ADAMTS2: variants seen among roughly 807,000 people sequenced by gnomAD.
ADAMTS2 encodes ADAM metallopeptidase with thrombospondin type 1 motif 2, also known as A disintegrin and metalloproteinase with thrombospondin motifs 2.
ADAMTS2 carries 50 observed loss-of-function variants against 123.0 expected under a neutral mutation model. That is an observed-to-expected ratio of 0.41 (90% CI 0.32 to 0.51). The LOEUF (loss-of-function observed/expected upper bound fraction) is 0.51. Among genes scored for constraint, ADAMTS2 ranks in the 20% least tolerant of loss-of-function variants. ADAMTS2 has a pLI of 0.35. For missense variants in ADAMTS2, 1,494 were observed against 1,705.2 expected (o/e 0.88, Z 2.18); for synonymous variants, 678 against 695.4 (o/e 0.98, Z 0.39).
chr5:179,322,703 C>T (rs555737876), intron 2 of ADAMTS2, among the ~76,000 whole-genome samples: 1 of 152,340 alleles, frequency 6.6e-6, no homozygotes, highest in South Asian at 2.1e-4. Flanking sequence ...TCGGCAGCTC[C>T]GCAGGCAGGT....
chr5:179,312,829 CT>C lies in ADAMTS2; in HGVS notation c.534+30937del, dbSNP rs1756870343. 6.6e-6 allele frequency among the ~76,000 whole-genome samples: 1 copy of C among 152,204 alleles called. No homozygotes were observed. ...GCCCTGCCGCCACCTGCGTTTTGCC[CT>C]GTTGAAACTGATTTCAGCCTCCAGA... On this transcript the variant is annotated intron_variant, in intron 2 of 21. Transcript: ENST00000251582. This position sits in a 1 kb window ranked among gnomAD's most constrained non-coding sequence, Gnocchi z 4.2.
chr5:179,149,833 C>G (rs915078986), intron 10 of ADAMTS2, among the ~76,000 whole-genome samples: 1 of 152,164 alleles, frequency 6.6e-6, no homozygotes, highest in Admixed American at 6.5e-5. Context: ...TCCTCGGGAA[C>G]CAGGGGAGGC....
intron 4 of ADAMTS2, among the ~76,000 whole-genome samples, chr5:179,206,429 T>C (rs988979684): frequency 1.2e-4 from 19 of 152,184 alleles, no homozygotes; most frequent in Admixed American, 3.3e-4. Flanking sequence ...TGCCTGCCTC[T>C]AGCCCGGCCC....
In ADAMTS2 at chr5:179,115,572, T is replaced by C. The variant is rs1225343260; in HGVS notation, c.3179-1248A>G. ...CCTCCTTTTCCCTCACTCTCCTTAG[T>C]TGAACTCATCTACTATTGAAAGGAA... On this transcript the variant is annotated intron_variant, in intron 21 of 21. Transcript: ENST00000251582. The surrounding 1 kb of genome is among the most constrained non-coding windows in gnomAD (Gnocchi z 4.4). 2.6e-5 allele frequency among the ~76,000 whole-genome samples: 4 copies of C among 151,652 alleles called. No individual in the cohort carries two copies. In the East Asian group the frequency reaches 7.8e-4, roughly 29 times the overall value.
rs531458143 is a variant in ADAMTS2 at position 179,160,815 on chromosome 5, A to G, written c.976-1936T>C. 3.3e-5 allele frequency among the ~76,000 whole-genome samples: 5 copies of G among 152,318 alleles called. No homozygotes were observed. The South Asian group carries it at 1.0e-3, about 32-fold the overall frequency. On this transcript the variant is annotated intron_variant, in intron 5 of 21. Transcript: ENST00000251582. ...TGCACTTCCTGTTCCCATCATGACC[A>G]GGAAGAGCATGTGACTAGCTCTGGC...
chr5:179,327,691 T>A (rs1757351416), intron 2 of ADAMTS2, among the ~76,000 whole-genome samples: 1 of 152,174 alleles, frequency 6.6e-6, no homozygotes, highest in African/African-American at 2.4e-5. Flanking sequence ...CCAAGGTTTG[T>A]CCACTTTGGG....
intron 2 of ADAMTS2, among the ~76,000 whole-genome samples, chr5:179,299,890 G>C (rs764508814): frequency 2.6e-4 from 40 of 151,718 alleles, no homozygotes; most frequent in Middle Eastern, 3.4e-3. Context: ...GTCAGGAGAT[G>C]GAGACCATCC....
rs538535973 is a variant in ADAMTS2, at chr5:179,130,885, G to A, written c.2291-787C>T. The stretch of plus-strand genomic sequence containing the variant: ...CCCTTGCTCCCTTTCCACAGAGAGC[G>A]ACCTCAGCCCCAGAGGCGGTGGCAG... On this transcript the variant is annotated intron_variant, in intron 15 of 21. Coordinates refer to ENST00000251582, the MANE Select transcript of ADAMTS2 (RefSeq NM_014244.5). The surrounding 1 kb of genome is among the most constrained non-coding windows in gnomAD (Gnocchi z 4.3). Among the ~76,000 whole-genome samples the A allele has an allele frequency of 5.3e-4, 80 of 152,200 alleles. 1 individual carries two copies. The highest frequency in any genetic ancestry group is 8.8e-4 in the Non-Finnish European group (60 of 68,000).
chr5:179,192,764 C>A (rs1159244182), intron 4 of ADAMTS2, among the ~76,000 whole-genome samples: 1 of 152,182 alleles, frequency 6.6e-6, no homozygotes, highest in African/African-American at 2.4e-5. Context: ...CCACGGGGCA[C>A]CCTATGCTGC....
At chr5:179,218,128 G>C (rs2113399846) in intron 3 of ADAMTS2, among the ~76,000 whole-genome samples, 1 of 152,356 alleles carries the variant, frequency 6.6e-6, no homozygotes, top group African/African-American at 2.4e-5. Context: ...CCATGATGTT[G>C]GCAAATGGCC....
Position 179,332,119 on chromosome 5 carries a change from G to A in ADAMTS2, c.534+11648C>T, listed in dbSNP as rs1465978595. ...TGACCTTGGAATCAGACAGACATGT[G>A]TTCATTAATAGAACAGATCACAGAA... On this transcript the variant is annotated intron_variant, in intron 2 of 21. Coordinates refer to ENST00000251582, the MANE Select transcript of ADAMTS2 (RefSeq NM_014244.5). The surrounding 1 kb of genome is among the most constrained non-coding windows in gnomAD (Gnocchi z 4.2). 2.6e-5 allele frequency among the ~76,000 whole-genome samples: 4 copies of A among 152,226 alleles called. No homozygotes were observed. In the East Asian group the frequency reaches 7.7e-4, roughly 29 times the overall value.
chr5:179,212,694 C>T (rs374005555), intron 3 of ADAMTS2, among the ~76,000 whole-genome samples: 3 of 75,714 alleles, frequency 4.0e-5, no homozygotes, highest in African/African-American at 1.1e-4. Flanking sequence ...GCCCTGAGGG[C>T]GGGTGCAGTG....
intron 3 of ADAMTS2, among the ~76,000 whole-genome samples, chr5:179,236,416 C>G (rs561420502): frequency 7.8e-4 from 119 of 152,276 alleles, no homozygotes; most frequent in Admixed American, 1.8e-3. Flanking sequence ...CACTAAGACC[C>G]AAGCAAGCAA....
chr5:179,167,696 T>C (rs189924233), intron 5 of ADAMTS2, among the ~76,000 whole-genome samples: 17 of 152,328 alleles, frequency 1.1e-4, no homozygotes, highest in Admixed American at 3.9e-4. Flanking sequence ...TGAGGTCACC[T>C]GGGCAGCTCT....
At chr5:179,159,779 G>C (rs1241010614) in intron 5 of ADAMTS2, among the ~76,000 whole-genome samples, 1 of 152,194 alleles carries the variant, frequency 6.6e-6, no homozygotes, top group Non-Finnish European at 1.5e-5. Context: ...CTAGGAAGTA[G>C]GAGAATTGAG....
chr5:179,135,690 C>G (rs1763054505), intron 13 of ADAMTS2, among the ~76,000 whole-genome samples: 1 of 152,158 alleles, frequency 6.6e-6, no homozygotes, highest in Non-Finnish European at 1.5e-5. Flanking sequence ...AGTCCAAACT[C>G]TCCAGGTGAG....
At chr5:179,153,377 C>T (rs1291841415) in intron 9 of ADAMTS2, 114 bp downstream of exon 9, 65 of 1,501,666 alleles carry the variant, frequency 4.3e-5, no homozygotes, top group Non-Finnish European at 5.5e-5. Context: ...TCTGGAGGGC[C>T]GCTCTGCCCT....
chr5:179,245,765 C>CAAAAAAAA lies in ADAMTS2; in HGVS notation c.688+27138_688+27145dup, dbSNP rs1171837041. ...TGGGCGACAGAGCGAGACTCCGTCT[C>CAAAAAAAA]AAAAAAAAAAAAAAAAAAAAAAAAA... On this transcript the variant is annotated intron_variant, in intron 3 of 21. Transcript: ENST00000251582. Among the ~76,000 whole-genome samples, 154 of 17,198 alleles carry CAAAAAAAA rather than the reference C, an allele frequency of 9.0e-3. 1 individual carries two copies. The highest frequency in any genetic ancestry group is 0.018 in the East Asian group (7 of 400). The allele number at this position is 17,198 out of a possible 152,430, so 11.3% of individuals were successfully genotyped here. A position where few individuals can be genotyped will look rare whatever the true frequency, so the allele number is the denominator to read the frequency against.
intron 3 of ADAMTS2, among the ~76,000 whole-genome samples, chr5:179,249,605 G>A (rs1027138445): frequency 1.3e-5 from 2 of 152,124 alleles, no homozygotes; most frequent in Non-Finnish European, 2.9e-5. Flanking sequence ...ATGATTATAA[G>A]AGAATATTAT....
Sources: allele counts gnomAD v4.1 joint callset (sites outside exome capture counted in the v4.1 genomes callset), GRCh38; gene constraint gnomAD v4.1.1; non-coding constraint Gnocchi (gnomAD v3.1); transcripts MANE v1.5; gene names NCBI Gene and HGNC (gene_info 2026-07-23, HGNC 2026-07-21).